Variants in NCKAP1L observed in about 807,000 individuals in gnomAD.
NCKAP1L encodes NCK associated protein 1 like.
NCKAP1L carries 53 observed loss-of-function variants against 139.2 expected under a neutral mutation model. That is an observed-to-expected ratio of 0.38 (90% CI 0.31 to 0.48). NCKAP1L has a LOEUF of 0.48. NCKAP1L is among the 20% of genes least tolerant of loss of function. NCKAP1L has a pLI of 0.98. For synonymous variants in NCKAP1L, 468 were observed against 499.7 expected, an observed-to-expected ratio of 0.94 and a Z score of 0.85; for missense variants, 1,151 against 1,381.9, an observed-to-expected ratio of 0.83 and a Z score of 2.65.
chr12:54,538,149 AT>A (rs1292806806), intron 29 of NCKAP1L, among the ~76,000 whole-genome samples: 1 of 152,198 alleles, frequency 6.6e-6, no homozygotes. Flanking sequence ...AGCGGATCAT[AT>A]TGTTCTCTCA....
intron 3 of NCKAP1L, among the ~76,000 whole-genome samples, chr12:54,506,796 A>AAAT: frequency 0.13 from 6,687 of 50,644 alleles, 520 homozygotes; most frequent in Non-Finnish European, 0.16. Context: ...AAAAAAAAAA[A>AAAT]ATATATATAT....
In NCKAP1L at chr12:54,532,421, T is replaced by C. The variant is rs138247901; in HGVS notation, c.2862+171T>C. Among the ~76,000 whole-genome samples the C allele has an allele frequency of 9.1e-4, 138 of 151,966 alleles. 1 individual carries two copies. The highest frequency in any genetic ancestry group is 3.4e-3 in the Middle Eastern group (1 of 294). ...TATTCTTGGAGAGAAAGAGCAGAGCTGGCAAGATGTAGGGGGATGGAGAGA... is the reference window on the plus strand; with the variant it reads ...TATTCTTGGAGAGAAAGAGCAGAGCCGGCAAGATGTAGGGGGATGGAGAGA... On this transcript the variant is annotated intron_variant, in intron 26 of 30. Coordinates refer to ENST00000293373, the MANE Select transcript of NCKAP1L (RefSeq NM_005337.5).
intron 27 of NCKAP1L, among the ~76,000 whole-genome samples, chr12:54,535,727 C>T (rs528261124): frequency 6.6e-6 from 1 of 152,218 alleles, no homozygotes; most frequent in Non-Finnish European, 1.5e-5. Flanking sequence ...ACAGGATGAA[C>T]CAAGGGGCTA....
chr12:54,531,866 C>CTGTGA, intron 25 of NCKAP1L, 41 bp downstream of exon 25: 2 of 1,430,656 alleles, frequency 1.4e-6, no homozygotes, highest in Non-Finnish European at 2.0e-6. Context: ...GTCACAGATA[C>CTGTGA]CTCTGTGGGT....
intron 20 of NCKAP1L, 117 bp from the exon 21 acceptor site, chr12:54,526,411 G>A (rs1957026022): frequency 2.6e-6 from 2 of 758,532 alleles, no homozygotes; most frequent in African/African-American, 3.5e-5. Context: ...GTTTACATGA[G>A]ATAATATGTG....
chr12:54,520,908 T>G (rs757140420), intron 17 of NCKAP1L, 82 bp downstream of exon 17: 11 of 1,587,822 alleles, frequency 6.9e-6, no homozygotes, highest in Non-Finnish European at 9.5e-6. Context: ...GGGTTGATTT[T>G]GGTCCCAGAA....
intron 20 of NCKAP1L, among the ~76,000 whole-genome samples, chr12:54,525,341 T>A (rs888528673): frequency 2.0e-5 from 3 of 152,212 alleles, no homozygotes; most frequent in Non-Finnish European, 4.4e-5. Flanking sequence ...ATTTTTCAAT[T>A]GAGGTTTTTG....
At chr12:54,509,279 G>A (rs1565673862) in intron 5 of NCKAP1L, among the ~76,000 whole-genome samples, 5 of 152,082 alleles carry the variant, frequency 3.3e-5, no homozygotes, top group Admixed American at 6.5e-5. Context: ...ATGCCTACGT[G>A]GATACCTAGA....
intron 3 of NCKAP1L, chr12:54,500,839 A>C: frequency 2.4e-6 from 1 of 415,660 alleles, no homozygotes; most frequent in Non-Finnish European, 4.3e-6. Flanking sequence ...ATGTATGTAT[A>C]TGTATTTAGT....
chr12:54,543,277 T>G lies in NCKAP1L; in HGVS notation c.*592T>G, dbSNP rs1301042383. On this transcript the variant is annotated 3_prime_UTR_variant, in exon 31 of 31. Coordinates refer to ENST00000293373, the MANE Select transcript of NCKAP1L (RefSeq NM_005337.5). Reference sequence around the variant, plus strand: ...TCGAGGGGTCATTGGGTCTCTTCCTTTGCCCCCAGCTTGACTGCGTTTCCT... The same window carrying G: ...TCGAGGGGTCATTGGGTCTCTTCCTGTGCCCCCAGCTTGACTGCGTTTCCT... The G allele has an allele frequency of 6.6e-6, 1 of 152,258 alleles. No homozygotes were observed. Among genetic ancestry groups the G allele is most frequent in the Non-Finnish European group, 1.5e-5 (1 of 68,080 alleles). 9.4% of individuals were successfully genotyped at this position (152,258 alleles called of 1,614,324 possible). A position where few individuals can be genotyped will look rare whatever the true frequency, so the allele number is the denominator to read the frequency against.
Position 54,499,343 on chromosome 12 carries a change from TTC to T in NCKAP1L, c.103-6_103-5del. ...GAGAAAGGGTTGAAATATATATGGT[TTC>T]TCTCTGCAGACTTGTTCAGACCCCA... On this transcript the variant is annotated splice_polypyrimidine_tract_variant and intron_variant, in intron 1 of 30. Transcript: ENST00000293373. 7.1e-7 allele frequency: 1 copy of T among 1,416,516 alleles called. No individual in the cohort carries two copies. Among genetic ancestry groups the T allele is most frequent in the Non-Finnish European group, 1.0e-6 (1 of 1,000,244 alleles). The allele number at this position is 1,416,516 out of a possible 1,614,324, so 87.7% of individuals were successfully genotyped here.
At chr12:54,526,478 T>A (rs1957026398) in intron 20 of NCKAP1L, 50 bp from the exon 21 acceptor site, 7 of 1,409,902 alleles carry the variant, frequency 5.0e-6, no homozygotes, top group Non-Finnish European at 7.0e-6. Context: ...ATTGTTACTG[T>A]ATTTGCCATT....
chr12:54,516,401 C>A (rs551153008), intron 10 of NCKAP1L, 106 bp downstream of exon 10: 4 of 1,018,040 alleles, frequency 3.9e-6, no homozygotes, highest in East Asian at 2.4e-5. Flanking sequence ...TTTATTGCCT[C>A]AACCCAAGAA....
At chr12:54,538,031 C>A (rs1424886170) in intron 29 of NCKAP1L, among the ~76,000 whole-genome samples, 2 of 152,140 alleles carry the variant, frequency 1.3e-5, no homozygotes, top group Admixed American at 6.6e-5. Flanking sequence ...TGGTCCATTC[C>A]CCTCTGCCTG....
chr12:54,526,697 C>T lies in NCKAP1L; in HGVS notation c.2326C>T (p.Pro776Ser). 6.2e-7 allele frequency: 1 copy of T among 1,614,152 alleles called. No individual in the cohort carries two copies. The highest frequency in any genetic ancestry group is 8.5e-7 in the Non-Finnish European group (1 of 1,180,018). ...IRNALLQQTQPLDSCGEQTIT... is the reference protein window; with the variant it reads ...IRNALLQQTQSLDSCGEQTIT... ...CAACGCCCTCCTGCAGCAGACACAA[C>T]CACTGGATTCCTGTGGGGAACAGAC... The change falls in exon 21 of 31, where the codon CCA (proline) becomes TCA (serine). Residue 776 changes from proline to serine, a missense_variant. Pro to Ser is a moderately conservative substitution (Grantham distance 74, BLOSUM62 -1). Transcript: ENST00000293373.
intron 29 of NCKAP1L, among the ~76,000 whole-genome samples, chr12:54,537,914 G>A (rs932577382): frequency 6.6e-6 from 1 of 151,992 alleles, no homozygotes; most frequent in Admixed American, 6.6e-5. Flanking sequence ...CTCTCACCAT[G>A]GATCTTAATT....
chr12:54,498,853 A>C (rs1048178102), intron 1 of NCKAP1L: 1 of 981,808 alleles, frequency 1.0e-6, no homozygotes, highest in African/African-American at 1.8e-5. Context: ...TTTCGCTCTT[A>C]GATACTTGGC....
chr12:54,530,252 T>C (rs1011668101), intron 22 of NCKAP1L, among the ~76,000 whole-genome samples: 1 of 152,246 alleles, frequency 6.6e-6, no homozygotes, highest in African/African-American at 2.4e-5. Context: ...TTGTTACTTC[T>C]GGTCTTTCAT....
intron 1 of NCKAP1L, among the ~76,000 whole-genome samples, chr12:54,498,413 G>A (rs1956768336): frequency 6.6e-6 from 1 of 151,574 alleles, no homozygotes; most frequent in Non-Finnish European, 1.5e-5. Context: ...GTGTGTGTGT[G>A]TGTGTGTGTG....
Sources: gnomAD v4.1 joint callset for allele counts (sites outside exome capture counted in the v4.1 genomes callset) on GRCh38, gnomAD v4.1.1 for gene constraint, MANE v1.5 for transcripts, NCBI Gene and HGNC (gene_info 2026-07-23, HGNC 2026-07-21) for gene names.